The following MAP2K1 variants were observed in gnomAD, a reference collection of about 807,000 sequenced individuals.
The protein encoded by MAP2K1 is mitogen-activated protein kinase kinase 1.
In MAP2K1, 16 loss-of-function variants were observed where a neutral mutation model predicts 46.3. The observed-to-expected ratio is 0.35, with a 90% confidence interval of 0.23 to 0.52. MAP2K1 has a LOEUF of 0.52. Among genes scored for constraint, MAP2K1 ranks in the 20% least tolerant of loss-of-function variants. The pLI, the probability that MAP2K1 is intolerant of heterozygous loss-of-function variation, is 0.94. For missense variants in MAP2K1, 263 were observed against 497.1 expected (o/e 0.53, Z 4.48); for synonymous variants, 183 against 185.6 (o/e 0.99, Z 0.11).
chr15:66,475,233 C>T (rs1368955017), intron 5 of MAP2K1, among the ~76,000 whole-genome samples: 1 of 152,186 alleles, frequency 6.6e-6, no homozygotes, highest in African/African-American at 2.4e-5. Context: ...CAGGTCAGCT[C>T]CCTTTCTCTC....
At chr15:66,479,192 G>A (rs1199867969) in intron 5 of MAP2K1, among the ~76,000 whole-genome samples, 1 of 151,996 alleles carries the variant, frequency 6.6e-6, no homozygotes, top group African/African-American at 2.4e-5. Context: ...TGCTTCCCGG[G>A]TTCAAACGAT....
At chr15:66,488,810 G>T (rs1003297621) in intron 8 of MAP2K1, 4 of 242,382 alleles carry the variant, frequency 1.7e-5, no homozygotes, top group Non-Finnish European at 2.4e-5. Context: ...TAAATTGCTG[G>T]TTACGTTCCC....
chr15:66,441,912 AACTGGCTAC>A (rs1178494423), intron 3 of MAP2K1, among the ~76,000 whole-genome samples: 1 of 152,194 alleles, frequency 6.6e-6, no homozygotes, highest in Admixed American at 6.5e-5. Flanking sequence ...TGCAAGTGGT[AACTGGCTAC>A]ACCTGAAGCC....
chr15:66,403,810 G>A (rs2093388642), intron 1 of MAP2K1, among the ~76,000 whole-genome samples: 1 of 152,096 alleles, frequency 6.6e-6, no homozygotes, highest in Non-Finnish European at 1.5e-5. Flanking sequence ...CAGACCCTCA[G>A]TCCATTTGAG....
At chr15:66,407,604 A>T (rs558261234) in intron 1 of MAP2K1, among the ~76,000 whole-genome samples, 1 of 152,334 alleles carries the variant, frequency 6.6e-6, no homozygotes, top group African/African-American at 2.4e-5. Flanking sequence ...GCATGCTTTC[A>T]CGCAAGTAGA....
At chr15:66,421,878 T>C (rs2093444443) in intron 1 of MAP2K1, among the ~76,000 whole-genome samples, 1 of 100,624 alleles carries the variant, frequency 9.9e-6, no homozygotes, top group South Asian at 3.5e-4. Flanking sequence ...GAATGCCCTC[T>C]TTCTCTTTTT....
rs1567002962 is a variant in MAP2K1 at position 66,420,751 on chromosome 15, GTGTGTGTGTA to G, written c.81-14268_81-14259del. On this transcript the variant is annotated intron_variant, in intron 1 of 10. Coordinates refer to ENST00000307102, the MANE Select transcript of MAP2K1 (RefSeq NM_002755.4). ...TGTGTGTGTGTGTGTGTGTGTGTGT[GTGTGTGTGTA>G]TGTGTGTATATATATGTGTATATAT... is the stretch of plus-strand genomic sequence containing the variant. Among the ~76,000 whole-genome samples the G allele has an allele frequency of 1.7e-4, 8 of 47,126 alleles. 1 individual carries two copies. The highest frequency in any genetic ancestry group is 4.3e-4 in the African/African-American group (7 of 16,358). 30.9% of individuals were successfully genotyped at this position (47,126 alleles called of 152,430 possible). A position where few individuals can be genotyped will look rare whatever the true frequency, so the allele number is the denominator to read the frequency against.
intron 5 of MAP2K1, among the ~76,000 whole-genome samples, chr15:66,478,681 G>A (rs1244623859): frequency 1.3e-5 from 2 of 151,706 alleles, no homozygotes; most frequent in Non-Finnish European, 2.9e-5. Flanking sequence ...TGTATTTTTA[G>A]TAAAGACAGG....
chr15:66,488,091 A>G (rs753514213), intron 8 of MAP2K1, among the ~76,000 whole-genome samples: 7 of 150,366 alleles, frequency 4.7e-5, no homozygotes, highest in Admixed American at 2.0e-4. Flanking sequence ...CTTACCTCCT[A>G]GGAGGCTTGG....
intron 1 of MAP2K1, among the ~76,000 whole-genome samples, chr15:66,404,064 G>A (rs1263238690): frequency 6.6e-6 from 1 of 152,188 alleles, no homozygotes; most frequent in Non-Finnish European, 1.5e-5. Context: ...AAAACAGGCA[G>A]AAGAAAGCTG....
chr15:66,455,304 A>G (rs1035891796), intron 5 of MAP2K1, among the ~76,000 whole-genome samples: 2 of 152,234 alleles, frequency 1.3e-5, no homozygotes, highest in Non-Finnish European at 2.9e-5. Context: ...AGTTTATAAC[A>G]CAAGGTGCTC....
rs77796976 is a variant in MAP2K1, at chr15:66,387,346, A to G, written c.-2A>G. On this transcript the variant is annotated 5_prime_UTR_variant, in exon 1 of 11. Transcript: ENST00000307102. ...GTTGGAAGCGCGTTACCCGGGTCCA[A>G]AATGCCCAAGAAGAAGCCGACGCCC... The G allele has an allele frequency of 8.7e-3, 13,524 of 1,559,588 alleles. 194 individuals are homozygous for G. The highest frequency in any genetic ancestry group is 0.054 in the East Asian group (2,252 of 41,848).
At chr15:66,437,093 C>A (rs1324590569) in intron 3 of MAP2K1, among the ~76,000 whole-genome samples, 1 of 152,190 alleles carries the variant, frequency 6.6e-6, no homozygotes, top group Non-Finnish European at 1.5e-5. Flanking sequence ...CCTTGCCTCT[C>A]TTGAAGGAAG....
At chr15:66,439,740 T>C (rs572844923) in intron 3 of MAP2K1, among the ~76,000 whole-genome samples, 16 of 151,774 alleles carry the variant, frequency 1.1e-4, no homozygotes, top group South Asian at 6.2e-4. Flanking sequence ...CACTCCAGCC[T>C]GGACAACAAA....
intron 1 of MAP2K1, among the ~76,000 whole-genome samples, chr15:66,411,251 A>T (rs891658240): frequency 3.9e-5 from 6 of 152,126 alleles, no homozygotes; most frequent in Non-Finnish European, 7.4e-5. Context: ...TTATCTGGTC[A>T]ACTGGAGTTT....
intron 5 of MAP2K1, among the ~76,000 whole-genome samples, chr15:66,452,788 G>A (rs902849941): frequency 7.2e-5 from 11 of 152,108 alleles, no homozygotes; most frequent in Admixed American, 1.3e-4. Flanking sequence ...TGCCTTCCCC[G>A]TTTCTTTATA....
chr15:66,483,812 A>G (rs1281584473), intron 6 of MAP2K1, among the ~76,000 whole-genome samples: 3 of 147,098 alleles, frequency 2.0e-5, no homozygotes, highest in Non-Finnish European at 3.0e-5. Flanking sequence ...CAGTGGTGCA[A>G]TCTCGGCTTA....
At chr15:66,403,501 A>G (rs1218326173) in intron 1 of MAP2K1, among the ~76,000 whole-genome samples, 2 of 152,128 alleles carry the variant, frequency 1.3e-5, no homozygotes, top group Admixed American at 1.3e-4. Context: ...CGCAGACGAA[A>G]GTCCCCTTGA....
chr15:66,484,140 C>A (rs369292632), intron 6 of MAP2K1, among the ~76,000 whole-genome samples: 1 of 126,038 alleles, frequency 7.9e-6, no homozygotes, highest in Non-Finnish European at 1.6e-5. Context: ...TCAGCCACCA[C>A]CCCCCCCCAC....
Sources: gnomAD v4.1 joint callset for allele counts (sites outside exome capture counted in the v4.1 genomes callset) on GRCh38, gnomAD v4.1.1 for gene constraint, MANE v1.5 for transcripts, NCBI Gene and HGNC (gene_info 2026-07-23, HGNC 2026-07-21) for gene names.